The following RPRD2 variants were observed in gnomAD, a reference collection of about 807,000 sequenced individuals.
RPRD2 encodes regulation of nuclear pre-mRNA domain containing 2, also known as regulation of nuclear pre-mRNA domain-containing protein 2.
RPRD2 carries 12 observed loss-of-function variants against 104.4 expected under a neutral mutation model. The ratio of observed to expected loss-of-function variants is 0.11; its 90% confidence interval spans 0.07 to 0.19. The LOEUF (loss-of-function observed/expected upper bound fraction) is 0.19, where lower values mean the gene tolerates loss of function less well. Ranked by LOEUF, RPRD2 falls within the 10% of genes least tolerant of loss-of-function variation. The pLI is 1.00. For missense variants in RPRD2, 1,543 were observed against 1,790.1 expected, an observed-to-expected ratio of 0.86 and a Z score of 2.49; for synonymous variants, 714 against 684.9, an observed-to-expected ratio of 1.04 and a Z score of -0.66.
At chr1:150,416,462 A>T (rs1402804406) in intron 1 of RPRD2, among the ~76,000 whole-genome samples, 4 of 152,180 alleles carry the variant, frequency 2.6e-5, no homozygotes, top group African/African-American at 9.7e-5. Flanking sequence ...ACAAGAAAAC[A>T]TGGTAGATCA....
intron 7 of RPRD2, among the ~76,000 whole-genome samples, chr1:150,452,734 G>A (rs1346492595): frequency 1.3e-4 from 17 of 131,046 alleles, no homozygotes; most frequent in African/African-American, 4.6e-4. Flanking sequence ...GCAGTGGCAC[G>A]ATCTCGGCTC....
intron 10 of RPRD2, among the ~76,000 whole-genome samples, chr1:150,467,597 C>G (rs587705021): frequency 6.6e-6 from 1 of 152,142 alleles, no homozygotes; most frequent in African/African-American, 2.4e-5. Flanking sequence ...TGGTCTCGAA[C>G]TCCTGACCTC....
intron 10 of RPRD2, among the ~76,000 whole-genome samples, chr1:150,465,278 C>T (rs968051066): frequency 4.0e-5 from 6 of 151,670 alleles, no homozygotes; most frequent in Non-Finnish European, 8.8e-5. Context: ...CCACCACATC[C>T]AGCTAATTTT....
At chr1:150,391,106 ATTAC>A (rs1196059218) in intron 1 of RPRD2, among the ~76,000 whole-genome samples, 10 of 152,178 alleles carry the variant, frequency 6.6e-5, no homozygotes, top group Admixed American at 5.9e-4. Context: ...TAGATTATTA[ATTAC>A]TTACAAAGGA....
At chr1:150,378,780 C>A (rs1322150133) in intron 1 of RPRD2, among the ~76,000 whole-genome samples, 1 of 151,678 alleles carries the variant, frequency 6.6e-6, no homozygotes, top group African/African-American at 2.4e-5. Context: ...GTCAGGAGTT[C>A]GAGACCAGCC....
At chr1:150,432,193 G>GAAA (rs1245442551) in intron 2 of RPRD2, among the ~76,000 whole-genome samples, 1 of 140,556 alleles carries the variant, frequency 7.1e-6, no homozygotes, top group African/African-American at 2.6e-5. Flanking sequence ...AAAAAAAAAA[G>GAAA]AAAGAAAAGT....
intron 3 of RPRD2, chr1:150,441,558 T>C: frequency 8.3e-6 from 2 of 241,730 alleles, no homozygotes; most frequent in South Asian, 1.6e-4. Context: ...TGACCGTCAT[T>C]TTACTAGAAA....
chr1:150,471,842 C>T lies in RPRD2; in HGVS notation c.2894C>T (p.Ser965Phe). 6.2e-7 allele frequency: 1 copy of T among 1,614,000 alleles called. No homozygotes were observed. The highest frequency in any genetic ancestry group is 2.2e-5 in the East Asian group (1 of 44,876). The change falls in exon 11 of 11, where the codon TCT becomes TTT. Residue 965 changes from serine (S) to phenylalanine (F), a missense_variant. By Grantham distance (155) the Ser-to-Phe change is radical (BLOSUM62 -2). Transcript: ENST00000369068. This position sits in a 1 kb window ranked among gnomAD's most constrained non-coding sequence, Gnocchi z 5.3. Reference protein sequence around the residue: ...LSLPQKQYPDSPHPVPHRSLF... With the variant: ...LSLPQKQYPDFPHPVPHRSLF... ...TTGCCACAGAAGCAGTACCCAGACT[C>T]TCCTCACCCAGTCCCACATCGTTCC...
chr1:150,429,370 C>T (rs1665397775), intron 2 of RPRD2, among the ~76,000 whole-genome samples: 1 of 151,888 alleles, frequency 6.6e-6, no homozygotes, highest in African/African-American at 2.4e-5. Context: ...GCCACCACAC[C>T]CAGCCAGTAG....
At chr1:150,399,271 T>C (rs1553884845) in intron 1 of RPRD2, among the ~76,000 whole-genome samples, 8 of 152,186 alleles carry the variant, frequency 5.3e-5, no homozygotes, top group Non-Finnish European at 7.3e-5. Flanking sequence ...CCCAAAGTGC[T>C]GGGATTACAG....
At position 150,446,270 on chromosome 1, in the gene RPRD2, A is replaced by G; in HGVS notation, c.739A>G (p.Ser247Gly). 1.2e-6 allele frequency: 2 copies of G among 1,604,278 alleles called. No homozygotes were observed. Among genetic ancestry groups the G allele is most frequent in the Non-Finnish European group, 1.7e-6 (2 of 1,177,284 alleles). The change falls in exon 7 of 11, where the codon AGC becomes GGC. Residue 247 changes from serine to glycine, a missense_variant. Coordinates refer to ENST00000369068, the MANE Select transcript of RPRD2 (RefSeq NM_015203.5). ...KKFSKEFEEA[S>G]SKLEEFVNGL... Reference sequence around the variant, plus strand: ...GTTCTCCAAAGAATTTGAAGAGGCAAGCTCCAAGCTGGAAGAATTTGTGAA... The same window carrying G: ...GTTCTCCAAAGAATTTGAAGAGGCAGGCTCCAAGCTGGAAGAATTTGTGAA...
At chr1:150,435,312 G>C (rs1665921300) in intron 2 of RPRD2, among the ~76,000 whole-genome samples, 1 of 152,048 alleles carries the variant, frequency 6.6e-6, no homozygotes, top group South Asian at 2.1e-4. Flanking sequence ...CCCTACAGTG[G>C]CCTCTCAGTG....
chr1:150,450,123 T>C (rs1419448505), intron 7 of RPRD2, among the ~76,000 whole-genome samples: 1 of 152,158 alleles, frequency 6.6e-6, no homozygotes, highest in Non-Finnish European at 1.5e-5. Flanking sequence ...AAAGAAAGAG[T>C]TCAATTTTCT....
chr1:150,398,813 G>C (rs1662747655), intron 1 of RPRD2, among the ~76,000 whole-genome samples: 1 of 152,012 alleles, frequency 6.6e-6, no homozygotes, highest in South Asian at 2.1e-4. Context: ...AAAGTGCTGT[G>C]GTTACAGGCA....
At chr1:150,436,320 G>A (rs916812175) in intron 2 of RPRD2, among the ~76,000 whole-genome samples, 8 of 152,150 alleles carry the variant, frequency 5.3e-5, no homozygotes, top group Non-Finnish European at 8.8e-5. Flanking sequence ...AATACAAACC[G>A]GCCGGGCATG....
At chr1:150,383,081 A>G (rs1345238459) in intron 1 of RPRD2, among the ~76,000 whole-genome samples, 2 of 151,892 alleles carry the variant, frequency 1.3e-5, no homozygotes, top group African/African-American at 4.8e-5. Flanking sequence ...CAGCCTTGAC[A>G]TCCCGGACTC....
In RPRD2 at chr1:150,364,722, CCGGCGG is replaced by C; in HGVS notation, c.15_20del (p.Gly7_Gly8del). On this transcript the variant is annotated inframe_deletion, in exon 1 of 11. Coordinates refer to ENST00000369068, the MANE Select transcript of RPRD2 (RefSeq NM_015203.5). ...CTTGTGCAAACCGGGAAGATGGCGG[CCGGCGG>C]CGGCGGAGGCAGCAGTAAGGCCTCC... 1 of 1,565,956 alleles carries C rather than the reference CCGGCGG, an allele frequency of 6.4e-7. No individual in the cohort carries two copies. The highest frequency in any genetic ancestry group is 8.7e-7 in the Non-Finnish European group (1 of 1,154,612).
intron 1 of RPRD2, among the ~76,000 whole-genome samples, chr1:150,392,459 C>T (rs1036151719): frequency 7.9e-5 from 12 of 152,096 alleles, no homozygotes; most frequent in Non-Finnish European, 1.3e-4. Context: ...GAGCTGAGAT[C>T]GCGCCACTGC....
chr1:150,395,098 C>T (rs1553883907), intron 1 of RPRD2, among the ~76,000 whole-genome samples: 1 of 152,126 alleles, frequency 6.6e-6, no homozygotes, highest in African/African-American at 2.4e-5. Context: ...TTGGTGCACT[C>T]ATCCCCTGAG....
Sources: gnomAD v4.1 joint callset for allele counts (sites outside exome capture counted in the v4.1 genomes callset) on GRCh38, gnomAD v4.1.1 for gene constraint, Gnocchi (gnomAD v3.1) non-coding constraint, MANE v1.5 for transcripts, NCBI Gene and HGNC (gene_info 2026-07-23, HGNC 2026-07-21) for gene names.